The following EHBP1 variants were observed in gnomAD, a reference collection of about 807,000 sequenced individuals.
EHBP1 encodes EH domain-binding protein 1.
EHBP1 carries 55 observed loss-of-function variants against 144.0 expected under a neutral mutation model. The ratio of observed to expected loss-of-function variants is 0.38; its 90% CI spans 0.31 to 0.48. The LOEUF (loss-of-function observed/expected upper bound fraction) is 0.48. Among genes scored for constraint, EHBP1 ranks in the 20% least tolerant of loss-of-function variants. The probability of loss-of-function intolerance (pLI) is 0.98; values close to 1 mark genes in which losing one functional copy is unlikely to be tolerated. For missense variants in EHBP1, 1,200 were observed against 1,364.2 expected (o/e 0.88, Z 1.90); for synonymous variants, 469 against 472.7 (o/e 0.99, Z 0.10).
At chr2:63,022,397 C>T (rs1273927014) in intron 19 of EHBP1, among the ~76,000 whole-genome samples, 4 of 152,088 alleles carry the variant, frequency 2.6e-5, no homozygotes, top group Non-Finnish European at 5.9e-5. Context: ...TCACTGCAAC[C>T]TCCACCTCCC....
intron 9 of EHBP1, among the ~76,000 whole-genome samples, chr2:62,873,616 A>G (rs1473308729): frequency 1.3e-5 from 2 of 152,156 alleles, no homozygotes; most frequent in Admixed American, 1.3e-4. Flanking sequence ...AGACTCAGGA[A>G]ATACAAGGAG....
chr2:62,907,819 C>T (rs1261434209), intron 10 of EHBP1, among the ~76,000 whole-genome samples: 1 of 152,128 alleles, frequency 6.6e-6, no homozygotes, highest in Non-Finnish European at 1.5e-5. Flanking sequence ...CTGTCAGTGC[C>T]TTTTGCCCAT....
intron 19 of EHBP1, among the ~76,000 whole-genome samples, chr2:63,035,983 GTCCT>G: frequency 6.6e-6 from 1 of 151,974 alleles, no homozygotes; most frequent in Admixed American, 6.6e-5. Flanking sequence ...AAAAGAATCT[GTCCT>G]AAGTCGGCTT....
intron 7 of EHBP1, among the ~76,000 whole-genome samples, chr2:62,836,596 A>C (rs1480420895): frequency 5.7e-5 from 6 of 105,834 alleles, no homozygotes; most frequent in South Asian, 4.0e-4. Flanking sequence ...TTTGAAAAAA[A>C]TTTAGAAGAA....
At chr2:62,764,227 C>T (rs774700961) in intron 3 of EHBP1, 39 bp from the exon 4 acceptor site, 1 of 1,381,340 alleles carries the variant, frequency 7.2e-7, no homozygotes. Context: ...ATTGCATTTC[C>T]CATACTTCAT....
At chr2:62,864,580 A>G (rs1573787975) in intron 8 of EHBP1, 151 bp from the exon 9 acceptor site, 1 of 726,354 alleles carries the variant, frequency 1.4e-6, no homozygotes. Flanking sequence ...TAGCCCCTCT[A>G]AAATATATTA....
intron 10 of EHBP1, among the ~76,000 whole-genome samples, chr2:62,878,690 A>C (rs1184218629): frequency 6.6e-6 from 1 of 152,200 alleles, no homozygotes; most frequent in African/African-American, 2.4e-5. Flanking sequence ...GTGATCCATC[A>C]CATAAACAGA....
chr2:62,722,803 C>G (rs1273824976), intron 2 of EHBP1, among the ~76,000 whole-genome samples: 1 of 152,106 alleles, frequency 6.6e-6, no homozygotes, highest in Non-Finnish European at 1.5e-5. Flanking sequence ...TGCAGTAATA[C>G]CAAAGTGAAG....
intron 2 of EHBP1, among the ~76,000 whole-genome samples, chr2:62,741,782 A>G (rs962545793): frequency 1.3e-5 from 2 of 152,164 alleles, no homozygotes; most frequent in African/African-American, 4.8e-5. Context: ...ATTCAGGGAA[A>G]AAAACCAATA....
intron 3 of EHBP1, 60 bp from the exon 4 acceptor site, chr2:62,764,206 A>G (rs1001430535): frequency 4.9e-6 from 6 of 1,219,302 alleles, no homozygotes; most frequent in African/African-American, 4.7e-5. Context: ...TTATTCTGGT[A>G]AATTACTAAC....
rs190210925 is a variant in EHBP1 at position 62,832,479 on chromosome 2, A to T, written c.634+1321A>T. Among the ~76,000 whole-genome samples the T allele has an allele frequency of 8.7e-5, 12 of 138,106 alleles. 1 individual carries two copies. The highest frequency in any genetic ancestry group is 2.9e-4 in the Admixed American group (4 of 13,838). The allele number at this position is 138,106 out of a possible 152,430, so 90.6% of individuals were successfully genotyped here. A position where few individuals can be genotyped will look rare whatever the true frequency, so the allele number is the denominator to read the frequency against. ...TTTTACAAATTGAAGATTTTTGGCA[A>T]CCCTACATTGAGCAAGTCTATCAGC... is the stretch of plus-strand genomic sequence containing the variant. On this transcript the variant is annotated intron_variant, in intron 7 of 22. Transcript: ENST00000431489.
intron 5 of EHBP1, among the ~76,000 whole-genome samples, chr2:62,798,509 C>A (rs2043724113): frequency 6.6e-6 from 1 of 151,954 alleles, no homozygotes; most frequent in African/African-American, 2.4e-5. Context: ...ACATTTCCTA[C>A]CTGTGTGATT....
intron 10 of EHBP1, among the ~76,000 whole-genome samples, chr2:62,900,837 TAAAC>T (rs1313669172): frequency 1.3e-5 from 2 of 152,106 alleles, no homozygotes; most frequent in Non-Finnish European, 2.9e-5. Context: ...GCTGTCAACT[TAAAC>T]TATGCACTGA....
intron 7 of EHBP1, among the ~76,000 whole-genome samples, chr2:62,840,679 G>A (rs2047751350): frequency 6.6e-6 from 1 of 151,460 alleles, no homozygotes; most frequent in African/African-American, 2.4e-5. Context: ...AGTGGGCGAA[G>A]GACATGAACA....
chr2:63,032,524 G>T, intron 19 of EHBP1, among the ~76,000 whole-genome samples: 1 of 129,448 alleles, frequency 7.7e-6, no homozygotes, highest in Middle Eastern at 6.3e-3. Flanking sequence ...CCAAGATCGC[G>T]CCACTGCACT....
intron 6 of EHBP1, 31 bp downstream of exon 6, chr2:62,826,299 A>G: frequency 1.3e-6 from 2 of 1,557,586 alleles, no homozygotes; most frequent in Non-Finnish European, 1.7e-6. Context: ...AAGCTTCCTT[A>G]CATTGTGTTT....
chr2:62,900,025 C>T (rs2053265956), intron 10 of EHBP1, among the ~76,000 whole-genome samples: 1 of 152,108 alleles, frequency 6.6e-6, no homozygotes, highest in South Asian at 2.1e-4. Flanking sequence ...AATGGAATTA[C>T]TGAGTAATAA....
chr2:62,732,511 G>C (rs1429601662), intron 2 of EHBP1, among the ~76,000 whole-genome samples: 1 of 152,098 alleles, frequency 6.6e-6, no homozygotes, highest in Admixed American at 6.6e-5. Flanking sequence ...CATCCCTCTA[G>C]TGCTGTTCTC....
chr2:62,695,817 A>G (rs1342431097), intron 1 of EHBP1, among the ~76,000 whole-genome samples: 2 of 151,950 alleles, frequency 1.3e-5, no homozygotes, highest in African/African-American at 2.4e-5. Flanking sequence ...GGCTCGAGTG[A>G]TTCTCCCACC....
Sources: allele counts gnomAD v4.1 joint callset (sites outside exome capture counted in the v4.1 genomes callset), GRCh38; gene constraint gnomAD v4.1.1; transcripts MANE v1.5; gene names NCBI Gene and HGNC (gene_info 2026-07-23, HGNC 2026-07-21).